PDGFC: variants seen among roughly 807,000 people sequenced by gnomAD.
PDGFC encodes platelet derived growth factor C, also known as platelet-derived growth factor C.
A neutral mutation model predicts 35.5 loss-of-function variants in PDGFC; 12 were observed. The observed-to-expected ratio is 0.34, with a 90% CI of 0.22 to 0.55. The LOEUF (loss-of-function observed/expected upper bound fraction) is 0.55. Among genes scored for constraint, PDGFC ranks in the 20% least tolerant of loss-of-function variants. The pLI is 0.91. For synonymous variants in PDGFC, 159 were observed against 148.8 expected (o/e 1.07, Z -0.50); for missense variants, 322 against 412.4 (o/e 0.78, Z 1.90).
intron 2 of PDGFC, among the ~76,000 whole-genome samples, chr4:156,838,592 G>T (rs1015569389): frequency 3.3e-5 from 5 of 152,194 alleles, no homozygotes; most frequent in African/African-American, 9.7e-5. Flanking sequence ...AAAATCAACA[G>T]AGAAATCAAC....
intron 1 of PDGFC, among the ~76,000 whole-genome samples, chr4:156,882,880 C>T (rs902726240): frequency 6.6e-6 from 1 of 151,960 alleles, no homozygotes; most frequent in Admixed American, 6.6e-5. Context: ...GTCAGGAGAT[C>T]GAGACCATCC....
chr4:156,766,488 C>G (rs957637259), intron 5 of PDGFC, among the ~76,000 whole-genome samples: 4 of 152,118 alleles, frequency 2.6e-5, no homozygotes, highest in African/African-American at 2.4e-5. Flanking sequence ...CCAGCAGCAT[C>G]AGGTGCCATA....
intron 1 of PDGFC, among the ~76,000 whole-genome samples, chr4:156,945,572 G>A (rs531285112): frequency 8.4e-4 from 128 of 151,740 alleles, no homozygotes; most frequent in African/African-American, 2.9e-3. Flanking sequence ...GAATTAAAGA[G>A]ATCACTCTCT....
intron 1 of PDGFC, among the ~76,000 whole-genome samples, chr4:156,906,510 A>G (rs1730918791): frequency 6.6e-6 from 1 of 152,192 alleles, no homozygotes; most frequent in Admixed American, 6.5e-5. Flanking sequence ...TTTTAAGAGT[A>G]GACAGATGAG....
At chr4:156,834,912 T>C (rs1269482558) in intron 2 of PDGFC, among the ~76,000 whole-genome samples, 1 of 151,530 alleles carries the variant, frequency 6.6e-6, no homozygotes, top group African/African-American at 2.4e-5. Flanking sequence ...ATATAGTTAG[T>C]CTGAAAATGG....
chr4:156,798,499 T>A (rs1212815836), intron 3 of PDGFC, among the ~76,000 whole-genome samples: 3 of 152,182 alleles, frequency 2.0e-5, no homozygotes, highest in Non-Finnish European at 4.4e-5. Flanking sequence ...TTCCCCTGAC[T>A]TTAACACAAA....
At chr4:156,960,462 C>CGT (rs371589557) in intron 1 of PDGFC, among the ~76,000 whole-genome samples, 2 of 150,388 alleles carry the variant, frequency 1.3e-5, no homozygotes, top group Non-Finnish European at 3.0e-5. Flanking sequence ...TACACACACA[C>CGT]GTGTGTGTGT....
At chr4:156,920,886 G>C (rs56058883) in intron 1 of PDGFC, among the ~76,000 whole-genome samples, 13,504 of 152,176 alleles carry the variant, frequency 0.089, 1,695 homozygotes, top group African/African-American at 0.28. Context: ...AGGTAGGCTG[G>C]AGTGTAGTTG....
rs539335407 is a variant in PDGFC at position 156,815,538 on chromosome 4, T to C, written c.315-4521A>G. Among the ~76,000 whole-genome samples the C allele has an allele frequency of 1.4e-3, 206 of 152,266 alleles. 2 individuals carry two copies. The highest frequency in any genetic ancestry group is 2.1e-3 in the Non-Finnish European group (146 of 68,010). ...TATGGGATTCACAGCAAAGGTTGGTTGGCTGATATATGCTAACATAGCCCA... is the reference window on the plus strand; with the variant it reads ...TATGGGATTCACAGCAAAGGTTGGTCGGCTGATATATGCTAACATAGCCCA... On this transcript the variant is annotated intron_variant, in intron 2 of 5. Transcript: ENST00000502773.
rs775096431 is a variant in PDGFC at position 156,810,940 on chromosome 4, C to T, written c.392G>A (p.Gly131Glu). 6.2e-7 allele frequency: 1 copy of T among 1,603,570 alleles called. No homozygotes were observed. The highest frequency in any genetic ancestry group is 8.5e-7 in the Non-Finnish European group (1 of 1,170,956). ...TTGATTTCCTTTAGAAATCTGTTTT[C>T]CTGGTACAGTACCAGAACCACACCA... ...GRWCGSGTVP[G>E]KQISKGNQIR... The change falls in exon 3 of 6, where the codon GGA becomes GAA. Residue 131 changes from glycine (G) to glutamate (E), a missense_variant. By Grantham distance (98) the Gly-to-Glu change is moderately conservative (BLOSUM62 -2). Coordinates refer to ENST00000502773, the MANE Select transcript of PDGFC (RefSeq NM_016205.3).
intron 5 of PDGFC, among the ~76,000 whole-genome samples, chr4:156,765,981 A>T (rs1730515464): frequency 6.6e-6 from 1 of 152,172 alleles, no homozygotes; most frequent in Non-Finnish European, 1.5e-5. Context: ...TGAGGAATTT[A>T]GGCACGAGGG....
chr4:156,903,113 G>GTGTGTGTGTGTGTA (rs1553975828), intron 1 of PDGFC, among the ~76,000 whole-genome samples: 1,887 of 139,650 alleles, frequency 0.014, 44 homozygotes, highest in African/African-American at 0.045. Flanking sequence ...GAGTGTGTGT[G>GTGTGTGTGTGTGTA]TGTGTGTGTG....
chr4:156,947,814 C>T (rs1216397743), intron 1 of PDGFC, among the ~76,000 whole-genome samples: 1 of 151,912 alleles, frequency 6.6e-6, no homozygotes, highest in African/African-American at 2.4e-5. Flanking sequence ...TGTCCATATA[C>T]TGTGGAGAGT....
chr4:156,905,416 AT>A (rs976842555), intron 1 of PDGFC, among the ~76,000 whole-genome samples: 34 of 152,096 alleles, frequency 2.2e-4, no homozygotes, highest in Admixed American at 8.5e-4. Flanking sequence ...ATTTATGTTT[AT>A]TTTTTTCTCA....
chr4:156,906,877 T>A (rs911442519), intron 1 of PDGFC, among the ~76,000 whole-genome samples: 1 of 152,222 alleles, frequency 6.6e-6, no homozygotes, highest in Non-Finnish European at 1.5e-5. Context: ...GCCTCACTGG[T>A]AATAGAAGGC....
At chr4:156,786,734 C>G (rs1391164839) in intron 3 of PDGFC, among the ~76,000 whole-genome samples, 1 of 152,016 alleles carries the variant, frequency 6.6e-6, no homozygotes, top group Non-Finnish European at 1.5e-5. Flanking sequence ...ATAAGTATGG[C>G]CCCAAAATTA....
At chr4:156,822,846 T>G (rs1732308584) in intron 2 of PDGFC, among the ~76,000 whole-genome samples, 1 of 151,962 alleles carries the variant, frequency 6.6e-6, no homozygotes, top group African/African-American at 2.4e-5. Context: ...ACTGCAACCT[T>G]GCAACCTTCG....
chr4:156,932,174 T>TA (rs1352611262), intron 1 of PDGFC, among the ~76,000 whole-genome samples: 5 of 151,800 alleles, frequency 3.3e-5, no homozygotes, highest in African/African-American at 1.2e-4. Flanking sequence ...TTTTAAGGGA[T>TA]TTTTTTTTAA....
intron 1 of PDGFC, among the ~76,000 whole-genome samples, chr4:156,926,932 C>T (rs1472912174): frequency 1.3e-5 from 2 of 152,186 alleles, no homozygotes; most frequent in Non-Finnish European, 2.9e-5. Context: ...AGAGGTTCTC[C>T]ATGACAGCCC....
Sources: allele counts gnomAD v4.1 joint callset (sites outside exome capture counted in the v4.1 genomes callset), GRCh38; gene constraint gnomAD v4.1.1; transcripts MANE v1.5; gene names NCBI Gene and HGNC (gene_info 2026-07-23, HGNC 2026-07-21).